Variants in OMG observed in about 807,000 individuals in gnomAD.
OMG encodes oligodendrocyte myelin glycoprotein, also known as oligodendrocyte-myelin glycoprotein.
OMG carries 9 observed loss-of-function variants against 26.2 expected under a neutral mutation model. That is an observed-to-expected ratio of 0.34 (90% confidence interval 0.21 to 0.60). The LOEUF (loss-of-function observed/expected upper bound fraction) is 0.60, where lower values mean the gene tolerates loss of function less well. Ranked by LOEUF, OMG falls within the 20% of genes least tolerant of loss-of-function variation. The pLI, the probability that OMG is intolerant of heterozygous loss-of-function variation, is 0.80. For missense variants in OMG, 402 were observed against 513.6 expected (o/e 0.78, Z 2.10); for synonymous variants, 179 against 190.4 (o/e 0.94, Z 0.49).
chr17:31,296,975 A>G (rs2068480304), intron 1 of OMG, 181 bp downstream of exon 1: 1 of 152,756 alleles, frequency 6.5e-6, no homozygotes, highest in African/African-American at 2.4e-5. Flanking sequence ...AAGGAAAACA[A>G]TATGTATATT....
At position 31,295,479 on chromosome 17, in the gene OMG, T is replaced by C. The variant is rs375294897; in HGVS notation, c.853A>G (p.Thr285Ala). The C allele has an allele frequency of 1.2e-6, 2 of 1,614,220 alleles. No homozygotes were observed. The highest frequency in any genetic ancestry group is 1.7e-6 in the Non-Finnish European group (2 of 1,180,024). The change falls in exon 2 of 2, where the codon ACA becomes GCA. Residue 285 changes from threonine (T) to alanine (A), a missense_variant. This residue lies in a region of OMG where 247 missense variants were observed against 274.7 expected (regional missense o/e 0.90). Transcript: ENST00000247271. Reference protein sequence around the residue: ...SSLFTVSGMQTVDTINSLSVV... With the variant: ...SSLFTVSGMQAVDTINSLSVV... ...CTCAGAGAGTTAATGGTGTCCACTG[T>C]CTGCATCCCACTTACAGTGAATAAG...
chr17:31,295,029 C>T lies in OMG; in HGVS notation c.1303G>A (p.Val435Met). Residue 435 changes from valine to methionine, a missense_variant, in exon 2 of 2, where the codon GTG becomes ATG. Transcript: ENST00000247271. ...NASFLLLLNV[V>M]VMLAV ...GACCCTCAGACAGCCAGCATGACCACAACATTGAGCAATAAGAGAAATGAA... is the reference window on the plus strand; with the variant it reads ...GACCCTCAGACAGCCAGCATGACCATAACATTGAGCAATAAGAGAAATGAA... The T allele has an allele frequency of 5.0e-6, 8 of 1,614,102 alleles. No homozygotes were observed. Among genetic ancestry groups the T allele is most frequent in the Non-Finnish European group, 6.8e-6 (8 of 1,179,970 alleles).
In OMG at chr17:31,296,234, G is replaced by C. The variant is rs1296918986; in HGVS notation, c.98C>G (p.Thr33Arg). The C allele has an allele frequency of 6.2e-7, 1 of 1,614,086 alleles. No homozygotes were observed. The change falls in exon 2 of 2, where the codon ACA (threonine) becomes AGA (arginine). Residue 33 changes from threonine to arginine, a missense_variant. Transcript: ENST00000247271. ...LCICPLQCIC[T>R]ERHRHVDCSG... is the part of the protein sequence containing the mutation. ...ACAGTCCACATGCCTGTGCCTCTCTGTGCATATACATTGGAGAGGACAAAT... is the reference window on the plus strand; with the variant it reads ...ACAGTCCACATGCCTGTGCCTCTCTCTGCATATACATTGGAGAGGACAAAT...
rs1432914653 is a variant in OMG at position 31,294,773 on chromosome 17, A to G, written c.*236T>C. The G allele has an allele frequency of 1.6e-5, 9 of 560,518 alleles. No homozygotes were observed. Among genetic ancestry groups the G allele is most frequent in the African/African-American group, 9.4e-5 (5 of 53,018 alleles). The allele number at this position is 560,518 out of a possible 1,614,324, so 34.7% of individuals were successfully genotyped here. A position where few individuals can be genotyped will look rare whatever the true frequency, so the allele number is the denominator to read the frequency against. ...AGCCTTAAAACATTTCATTTTTTTTATAAAAGAAACTCATTAGTTTACTTA... is the reference window on the plus strand; with the variant it reads ...AGCCTTAAAACATTTCATTTTTTTTGTAAAAGAAACTCATTAGTTTACTTA... On this transcript the variant is annotated 3_prime_UTR_variant, in exon 2 of 2. Transcript: ENST00000247271.
Position 31,296,349 on chromosome 17 carries a change from C to T in OMG, c.-6-12G>A. 1 of 1,613,824 alleles carries T rather than the reference C, an allele frequency of 6.2e-7. No individual in the cohort carries two copies. The highest frequency in any genetic ancestry group is 8.5e-7 in the Non-Finnish European group (1 of 1,179,758). ...TATTCCATCAAAGCCTAGAAACAAA[C>T]AGATACACCCTTCTTTTAATATGCA... On this transcript the variant is annotated splice_polypyrimidine_tract_variant and intron_variant, in intron 1 of 1. Transcript: ENST00000247271.
chr17:31,296,425 A>G, intron 1 of OMG, 88 bp from the exon 2 acceptor site: 1 of 1,265,060 alleles, frequency 7.9e-7, no homozygotes, highest in Non-Finnish European at 1.2e-6. Context: ...CAAAATTTTC[A>G]ATAAACCTCG....
chr17:31,295,003 A>G lies in OMG; in HGVS notation c.*6T>C, dbSNP rs1442793878. 3 of 1,613,966 alleles carry G rather than the reference A, an allele frequency of 1.9e-6. No individual in the cohort carries two copies. Among genetic ancestry groups the G allele is most frequent in the African/African-American group, 2.7e-5 (2 of 74,938 alleles). Reference sequence around the variant, plus strand: ...TGCTTTCATTAGTTTCAGAAAATGCAGACCCTCAGACAGCCAGCATGACCA... The same window carrying G: ...TGCTTTCATTAGTTTCAGAAAATGCGGACCCTCAGACAGCCAGCATGACCA... On this transcript the variant is annotated 3_prime_UTR_variant, in exon 2 of 2. Coordinates refer to ENST00000247271, the MANE Select transcript of OMG (RefSeq NM_002544.5).
intron 1 of OMG, 27 bp from the exon 2 acceptor site, chr17:31,296,364 T>C: frequency 6.2e-7 from 1 of 1,613,250 alleles, no homozygotes; most frequent in Non-Finnish European, 8.5e-7. Flanking sequence ...ACACCCTTCT[T>C]TTAATATGCA....
Position 31,295,296 on chromosome 17 carries a change from G to A in OMG, c.1036C>T (p.His346Tyr), listed in dbSNP as rs767862643. Reference protein sequence around the residue: ...EDTSTETINSHEAAAATLTIH... With the variant: ...EDTSTETINSYEAAAATLTIH... ...GTTAGAGTTGCAGCTGCTGCTTCAT[G>A]TGAATTGATAGTCTCTGTGGATGTA... The change falls in exon 2 of 2, where the codon CAT (histidine) becomes TAT (tyrosine). Residue 346 changes from histidine (H) to tyrosine (Y), a missense_variant. Coordinates refer to ENST00000247271, the MANE Select transcript of OMG (RefSeq NM_002544.5). 76 of 1,613,992 alleles carry A rather than the reference G, an allele frequency of 4.7e-5. No individual in the cohort carries two copies. Among genetic ancestry groups the A allele is most frequent in the Non-Finnish European group, 5.7e-5 (67 of 1,180,016 alleles).
At position 31,296,054 on chromosome 17, in the gene OMG, A is replaced by G; in HGVS notation, c.278T>C (p.Leu93Pro). ...CAGAGACCGAGGTAAGTGAGCAGGC[A>G]GGCTTTCAAGCCTGTTGTTTGAAAT... ...LDISNNRLES[L>P]PAHLPRSLWN... Residue 93 changes from leucine (L) to proline (P), a missense_variant, in exon 2 of 2, where the codon CTG (leucine) becomes CCG (proline). Physicochemically the swap from Leu to Pro is moderately conservative, Grantham distance 98. Transcript: ENST00000247271. 9 of 1,614,066 alleles carry G rather than the reference A, an allele frequency of 5.6e-6. No individual in the cohort carries two copies. Among genetic ancestry groups the G allele is most frequent in the Non-Finnish European group, 5.9e-6 (7 of 1,179,974 alleles).
Position 31,294,647 on chromosome 17 carries a change from T to A in OMG, c.*362A>T. 3.7e-6 allele frequency: 1 copy of A among 270,036 alleles called. No individual in the cohort carries two copies. 16.7% of individuals were successfully genotyped at this position (270,036 alleles called of 1,614,324 possible). ...ATGACTGGAAAGCCAAATGACACAG[T>A]TATGAGCATAGACCTTTTATTTTCC... On this transcript the variant is annotated 3_prime_UTR_variant, in exon 2 of 2. Coordinates refer to ENST00000247271, the MANE Select transcript of OMG (RefSeq NM_002544.5).
In OMG at chr17:31,295,317, A is replaced by T. The variant is rs750388334; in HGVS notation, c.1015T>A (p.Ser339Thr). 1.8e-5 allele frequency: 29 copies of T among 1,613,972 alleles called. No homozygotes were observed. Among genetic ancestry groups the T allele is most frequent in the Non-Finnish European group, 2.3e-5 (27 of 1,180,014 alleles). ...TCATGTGAATTGATAGTCTCTGTGG[A>T]TGTATCTTCTGGATAGGGCACAAAA... ...KAFVPYPEDT[S>T]TETINSHEAA... Residue 339 changes from serine to threonine, a missense_variant, in exon 2 of 2, where the codon TCC becomes ACC. Physicochemically the swap from Ser to Thr is moderately conservative, Grantham distance 58. Coordinates refer to ENST00000247271, the MANE Select transcript of OMG (RefSeq NM_002544.5).
Position 31,294,945 on chromosome 17 carries a change from G to T in OMG, c.*64C>A. On this transcript the variant is annotated 3_prime_UTR_variant, in exon 2 of 2. Coordinates refer to ENST00000247271, the MANE Select transcript of OMG (RefSeq NM_002544.5). ...TAGCTCGAATCACTGGTTAGATATG[G>T]ACATATTTTCCCAACTGTACATCAG... The T allele has an allele frequency of 6.2e-7, 1 of 1,602,976 alleles. No individual in the cohort carries two copies. Among genetic ancestry groups the T allele is most frequent in the Non-Finnish European group, 8.5e-7 (1 of 1,170,500 alleles).
At position 31,296,116 on chromosome 17, in the gene OMG, G is replaced by T. The variant is rs761829832; in HGVS notation, c.216C>A (p.Asn72Lys). The change falls in exon 2 of 2, where the codon AAC becomes AAA. Residue 72 changes from asparagine (N) to lysine (K), a missense_variant. By Grantham distance (94) the Asn-to-Lys change is moderately conservative. This residue lies in a region of OMG where 90 missense variants were observed against 158.9 expected (regional missense o/e 0.57). Transcript: ENST00000247271. ...LSYNHFTDLH[N>K]QLTQYTNLRT... ...TCAGATTGGTATATTGGGTTAACTG[G>T]TTATGCAGATCAGTAAAGTGGTTAT... 4 of 1,611,490 alleles carry T rather than the reference G, an allele frequency of 2.5e-6. No individual in the cohort carries two copies. In the Admixed American group the frequency reaches 6.7e-5, roughly 27 times the overall value.
chr17:31,294,971 G>A lies in OMG; in HGVS notation c.*38C>T, dbSNP rs1450200378. ...ACATATTTTCCCAACTGTACATCAG[G>A]GAGGAGTGCTTTCATTAGTTTCAGA... is the stretch of plus-strand genomic sequence containing the variant. On this transcript the variant is annotated 3_prime_UTR_variant, in exon 2 of 2. Coordinates refer to ENST00000247271, the MANE Select transcript of OMG (RefSeq NM_002544.5). 7 of 1,613,544 alleles carry A rather than the reference G, an allele frequency of 4.3e-6. No individual in the cohort carries two copies. The Admixed American group carries it at 8.3e-5, about 19-fold the overall frequency.
intron 1 of OMG, chr17:31,296,816 T>A (rs528638431): frequency 6.2e-6 from 1 of 160,686 alleles, no homozygotes; most frequent in Admixed American, 5.9e-5. Context: ...TATTTAGATA[T>A]TAAAGCAGTT....
At position 31,296,231 on chromosome 17, in the gene OMG, T is replaced by C. The variant is rs756731443; in HGVS notation, c.101A>G (p.Glu34Gly). The change falls in exon 2 of 2, where the codon GAG (glutamate) becomes GGG (glycine). Residue 34 changes from glutamate (E) to glycine (G), a missense_variant. By Grantham distance (98) the Glu-to-Gly change is moderately conservative. Around this residue, in one of 3 missense-constraint regions of OMG, gnomAD observed 65 missense variants for 80.0 expected, o/e 0.81. Coordinates refer to ENST00000247271, the MANE Select transcript of OMG (RefSeq NM_002544.5). ...TGAACAGTCCACATGCCTGTGCCTC[T>C]CTGTGCATATACATTGGAGAGGACA... is the stretch of plus-strand genomic sequence containing the variant. Reference protein sequence around the residue: ...CICPLQCICTERHRHVDCSGR... With the variant: ...CICPLQCICTGRHRHVDCSGR... 1 of 1,614,136 alleles carries C rather than the reference T, an allele frequency of 6.2e-7. No individual in the cohort carries two copies. The highest frequency in any genetic ancestry group is 8.5e-7 in the Non-Finnish European group (1 of 1,179,998).
rs754911683 is a variant in OMG at position 31,295,720 on chromosome 17, T to C, written c.612A>G (p.Thr204=). ...THLYLHNNKF[T]FIPDQSFDQL... ...GGTCAAAAGATTGGTCTGGAATGAA[T>C]GTGAACTTATTGTTGTGCAGGTAAA... The change falls in exon 2 of 2, where the codon ACA becomes ACG. Residue 204 remains threonine (T), a synonymous_variant. Transcript: ENST00000247271. 6.2e-7 allele frequency: 1 copy of C among 1,614,210 alleles called. No individual in the cohort carries two copies. Among genetic ancestry groups the C allele is most frequent in the South Asian group, 1.1e-5 (1 of 91,080 alleles).
In OMG at chr17:31,295,246, G is replaced by T; in HGVS notation, c.1086C>A (p.Val362=). 6.2e-7 allele frequency: 1 copy of T among 1,614,056 alleles called. No homozygotes were observed. The highest frequency in any genetic ancestry group is 1.1e-5 in the South Asian group (1 of 91,052). The change falls in exon 2 of 2, where the codon GTC becomes GTA. Residue 362 remains valine, a synonymous_variant. Coordinates refer to ENST00000247271, the MANE Select transcript of OMG (RefSeq NM_002544.5). ...TTGAGCTAGTGAGGCTTGTGTTTGT[G>T]ACCATTCCATCTTGGAGATGAATAG... is the stretch of plus-strand genomic sequence containing the variant. ...TLTIHLQDGM[V]TNTSLTSSTK...
Sources: gnomAD v4.1 joint callset for allele counts on GRCh38, gnomAD v4.1.1 for gene constraint, gnomAD v4.1.1 regional missense constraint, MANE v1.5 for transcripts, NCBI Gene and HGNC (gene_info 2026-07-23, HGNC 2026-07-21) for gene names.